Variants in MVB12B observed in about 807,000 individuals in gnomAD.
The protein encoded by MVB12B is ESCRT-I complex subunit MVB12B.
Under a neutral mutation model 41.6 loss-of-function variants are expected in MVB12B, and 16 were observed. The ratio of observed to expected loss-of-function variants is 0.38; its 90% CI spans 0.26 to 0.58. The LOEUF is 0.58. Ranked by LOEUF, MVB12B falls within the 20% of genes least tolerant of loss-of-function variation. The pLI, the probability that MVB12B is intolerant of heterozygous loss-of-function variation, is 0.62. For missense variants in MVB12B, 274 were observed against 380.2 expected, an observed-to-expected ratio of 0.72 and a Z score of 2.32; for synonymous variants, 133 against 139.7, an observed-to-expected ratio of 0.95 and a Z score of 0.34.
chr9:126,395,925 C>A lies in MVB12B; in HGVS notation c.662+228C>A. On this transcript the variant is annotated intron_variant, in intron 6 of 9. Transcript: ENST00000361171. This position sits in a 1 kb window ranked among gnomAD's most constrained non-coding sequence, Gnocchi z 4.9. ...TATTTTGTGCGTGTTCTGCAGGCTT[C>A]TAAAATTGCAGATTATGCAACTTAA... is the stretch of plus-strand genomic sequence containing the variant. 7.5e-7 allele frequency: 1 copy of A among 1,338,738 alleles called. No individual in the cohort carries two copies. Among genetic ancestry groups the A allele is most frequent in the East Asian group, 3.0e-5 (1 of 33,822 alleles). 82.9% of individuals were successfully genotyped at this position (1,338,738 alleles called of 1,614,324 possible).
At chr9:126,424,248 G>A (rs1048227123) in intron 7 of MVB12B, among the ~76,000 whole-genome samples, 67 of 152,166 alleles carry the variant, frequency 4.4e-4, no homozygotes, top group African/African-American at 1.5e-3. Context: ...TTTCTCAGTG[G>A]CATACCTGCT....
intron 1 of MVB12B, among the ~76,000 whole-genome samples, chr9:126,337,504 A>G (rs950651891): frequency 2.0e-5 from 3 of 152,170 alleles, no homozygotes; most frequent in African/African-American, 7.2e-5. Flanking sequence ...TTAAAATATA[A>G]TTAGTGTTGA....
At chr9:126,341,792 G>A (rs143881131) in intron 2 of MVB12B, among the ~76,000 whole-genome samples, 70 of 152,276 alleles carry the variant, frequency 4.6e-4, no homozygotes, top group South Asian at 1.5e-3. Flanking sequence ...GTCTCCAGAC[G>A]TAGCCAGATG....
intron 9 of MVB12B, among the ~76,000 whole-genome samples, chr9:126,501,598 G>A (rs1056724015): frequency 6.6e-6 from 1 of 152,196 alleles, no homozygotes; most frequent in African/African-American, 2.4e-5. Flanking sequence ...GCTGGGCTTT[G>A]GCTGTGGACA....
At chr9:126,349,420 T>C (rs1219907659) in intron 2 of MVB12B, among the ~76,000 whole-genome samples, 1 of 152,166 alleles carries the variant, frequency 6.6e-6, no homozygotes, top group African/African-American at 2.4e-5. Flanking sequence ...TCATAAAATA[T>C]AGAAAAAACC....
chr9:126,371,431 C>T (rs1034369553), intron 2 of MVB12B, among the ~76,000 whole-genome samples: 5 of 152,252 alleles, frequency 3.3e-5, no homozygotes, highest in Non-Finnish European at 7.3e-5. Context: ...TGGCTCCCTT[C>T]GGCCATCAGG....
chr9:126,476,211 CCTCA>C (rs1833415992), intron 7 of MVB12B, among the ~76,000 whole-genome samples: 2 of 152,270 alleles, frequency 1.3e-5, no homozygotes, highest in South Asian at 4.1e-4. Context: ...ATCTTTGCCT[CCTCA>C]CTAAGGTGTT....
At chr9:126,413,321 T>G (rs1831705418) in intron 6 of MVB12B, among the ~76,000 whole-genome samples, 1 of 152,200 alleles carries the variant, frequency 6.6e-6, no homozygotes, top group Non-Finnish European at 1.5e-5. Flanking sequence ...AGGCAAGCTG[T>G]GGAGCCTCTC....
Position 126,381,150 on chromosome 9 carries a change from A to G in MVB12B, c.291A>G (p.Thr97=). 1 of 1,613,756 alleles carries G rather than the reference A, an allele frequency of 6.2e-7. No individual in the cohort carries two copies. The highest frequency in any genetic ancestry group is 2.2e-5 in the East Asian group (1 of 44,876). Residue 97 remains threonine (T), a synonymous_variant, in exon 3 of 10, where the codon ACA becomes ACG. Transcript: ENST00000361171. ...KSKVTRYLCF[T]RSFSKENSHL... ...AGGTTACCAGATACCTGTGTTTCAC[A>G]AGATCATTTTCCAAAGAAAATGTAA...
At chr9:126,462,691 C>G (rs1334910893) in intron 7 of MVB12B, among the ~76,000 whole-genome samples, 2 of 152,120 alleles carry the variant, frequency 1.3e-5, no homozygotes, top group East Asian at 3.9e-4. Context: ...GTTATTAAAT[C>G]TTAAGGTTGA....
chr9:126,438,775 A>C (rs1314063311), intron 7 of MVB12B, among the ~76,000 whole-genome samples: 4 of 152,214 alleles, frequency 2.6e-5, no homozygotes, highest in Non-Finnish European at 5.9e-5. Flanking sequence ...GCGGTATTTT[A>C]AATATAGCAG....
In MVB12B at chr9:126,416,253, C is replaced by T. The variant is rs74395060; in HGVS notation, c.663-5601C>T. On this transcript the variant is annotated intron_variant, in intron 6 of 9. Coordinates refer to ENST00000361171, the MANE Select transcript of MVB12B (RefSeq NM_033446.3). Reference sequence around the variant, plus strand: ...AAGCTCGCGTACTTGCATGTGCTCACGCATGCCTGGTTCCGTGCTGTCAAC... The same window carrying T: ...AAGCTCGCGTACTTGCATGTGCTCATGCATGCCTGGTTCCGTGCTGTCAAC... 5.1e-3 allele frequency among the ~76,000 whole-genome samples: 771 copies of T among 152,292 alleles called. 10 individuals are homozygous for T. Among genetic ancestry groups the T allele is most frequent in the African/African-American group, 0.018 (738 of 41,546 alleles).
rs1472727003 is a variant in MVB12B, at chr9:126,395,909, C to T, written c.662+212C>T. The T allele has an allele frequency of 2.3e-5, 32 of 1,370,456 alleles. No individual in the cohort carries two copies. In the East Asian group the frequency reaches 7.2e-4, roughly 31 times the overall value. The allele number at this position is 1,370,456 out of a possible 1,614,324, so 84.9% of individuals were successfully genotyped here. ...AGGCCATTCTATAGTCTATTTTGTG[C>T]GTGTTCTGCAGGCTTCTAAAATTGC... On this transcript the variant is annotated intron_variant, in intron 6 of 9. Coordinates refer to ENST00000361171, the MANE Select transcript of MVB12B (RefSeq NM_033446.3). This position sits in a 1 kb window ranked among gnomAD's most constrained non-coding sequence, Gnocchi z 4.9.
intron 2 of MVB12B, 106 bp from the exon 3 acceptor site, chr9:126,380,958 T>C (rs1207057749): frequency 3.9e-6 from 3 of 774,284 alleles, no homozygotes; most frequent in Non-Finnish European, 6.6e-6. Context: ...TGCCGGGAGA[T>C]CCCAAGCTGG....
chr9:126,502,298 G>A (rs1833974647), intron 9 of MVB12B, among the ~76,000 whole-genome samples: 1 of 151,930 alleles, frequency 6.6e-6, no homozygotes, highest in Non-Finnish European at 1.5e-5. Context: ...GGTGCCCCGT[G>A]CCTGCTCTGC....
At chr9:126,343,204 G>A (rs1029446691) in intron 2 of MVB12B, among the ~76,000 whole-genome samples, 2 of 152,204 alleles carry the variant, frequency 1.3e-5, no homozygotes, top group African/African-American at 4.8e-5. Context: ...TCAATTTATT[G>A]TTCCGACGTC....
intron 6 of MVB12B, among the ~76,000 whole-genome samples, chr9:126,414,749 C>G (rs1376186112): frequency 6.6e-6 from 1 of 152,108 alleles, no homozygotes; most frequent in Non-Finnish European, 1.5e-5. Context: ...AACTTCGGGC[C>G]CACTAAAATG....
At position 126,391,998 on chromosome 9, in the gene MVB12B, T is replaced by C. The variant is rs1564305422; in HGVS notation, c.410-68T>C. The C allele has an allele frequency of 3.2e-6, 5 of 1,575,712 alleles. No individual in the cohort carries two copies. The highest frequency in any genetic ancestry group is 4.4e-6 in the Non-Finnish European group (5 of 1,147,080). ...CAGGAATAGGGCGTGACAGGGGATG[T>C]GGTTTTCAGAATAGAGATTCTGGTA... is the stretch of plus-strand genomic sequence containing the variant. On this transcript the variant is annotated intron_variant, in intron 4 of 9. Transcript: ENST00000361171. This position sits in a 1 kb window ranked among gnomAD's most constrained non-coding sequence, Gnocchi z 4.4.
At position 126,348,244 on chromosome 9, in the gene MVB12B, G is replaced by T. The variant is rs113809543; in HGVS notation, c.204+7614G>T. Among the ~76,000 whole-genome samples the T allele has an allele frequency of 5.2e-3, 791 of 152,312 alleles. 6 individuals are homozygous for T. The highest frequency in any genetic ancestry group is 0.018 in the African/African-American group (768 of 41,556). On this transcript the variant is annotated intron_variant, in intron 2 of 9. Coordinates refer to ENST00000361171, the MANE Select transcript of MVB12B (RefSeq NM_033446.3). ...GAAAGTGGTTTTTGTAACTAGCCCT[G>T]GGCCTTTGTTCCCTGTGGCCTGGAT...
Sources: gnomAD v4.1 joint callset for allele counts (sites outside exome capture counted in the v4.1 genomes callset) on GRCh38, gnomAD v4.1.1 for gene constraint, Gnocchi (gnomAD v3.1) non-coding constraint, MANE v1.5 for transcripts, NCBI Gene and HGNC (gene_info 2026-07-23, HGNC 2026-07-21) for gene names.